NUDCD3: variants seen among roughly 807,000 people sequenced by gnomAD.
The protein encoded by NUDCD3 is NudC domain containing 3, also known as nudC domain-containing protein 3.
NUDCD3 carries 13 observed loss-of-function variants against 39.7 expected under a neutral mutation model. The observed-to-expected ratio is 0.33, with a 90% confidence interval of 0.21 to 0.52. The LOEUF is 0.52. Ranked by LOEUF, NUDCD3 falls within the 20% of genes least tolerant of loss-of-function variation. The pLI is 0.96. For synonymous variants in NUDCD3, 175 were observed against 172.4 expected (o/e 1.02, Z -0.12); for missense variants, 453 against 458.1 (o/e 0.99, Z 0.10).
intron 5 of NUDCD3, among the ~76,000 whole-genome samples, chr7:44,386,439 C>T (rs764545223): frequency 1.3e-5 from 2 of 152,192 alleles, no homozygotes; most frequent in Non-Finnish European, 2.9e-5. Context: ...TGTCCAAATT[C>T]CAAACACCCT....
chr7:44,385,743 C>T lies in NUDCD3; in HGVS notation c.*268G>A. 2.3e-6 allele frequency: 1 copy of T among 441,260 alleles called. No individual in the cohort carries two copies. Among genetic ancestry groups the T allele is most frequent in the East Asian group, 3.8e-5 (1 of 26,318 alleles). 27.3% of individuals were successfully genotyped at this position (441,260 alleles called of 1,614,324 possible). On this transcript the variant is annotated 3_prime_UTR_variant, in exon 6 of 6. Transcript: ENST00000355451. ...GCTGTGGAGACAAAAGCATGTGATCCCAATTTGCTGGGATATCCTCTCCTG... is the reference window on the plus strand; with the variant it reads ...GCTGTGGAGACAAAAGCATGTGATCTCAATTTGCTGGGATATCCTCTCCTG...
intron 2 of NUDCD3, among the ~76,000 whole-genome samples, chr7:44,476,008 G>A (rs1800361522): frequency 6.6e-6 from 1 of 152,146 alleles, no homozygotes; most frequent in South Asian, 2.1e-4. Context: ...ATCATGCTAA[G>A]TAGGTCTCAT....
rs1337655018 is a variant in NUDCD3, at chr7:44,464,229, AG to A, written c.509+20738del. Among the ~76,000 whole-genome samples the A allele has an allele frequency of 4.7e-3, 685 of 145,988 alleles. 4 individuals carry two copies. Among genetic ancestry groups the A allele is most frequent in the African/African-American group, 0.016 (639 of 40,558 alleles). ...ACCCCATCTCAAAAAAAAAAAAAAA[AG>A]AAAAAGAAAACGAAGCAAGAATCGT... On this transcript the variant is annotated intron_variant, in intron 2 of 5. Coordinates refer to ENST00000355451, the MANE Select transcript of NUDCD3 (RefSeq NM_015332.4).
intron 2 of NUDCD3, among the ~76,000 whole-genome samples, chr7:44,429,674 T>C (rs555023729): frequency 1.9e-3 from 289 of 152,342 alleles, no homozygotes; most frequent in Non-Finnish European, 3.5e-3. Context: ...GCACTGAATA[T>C]TGGCAGGACT....
intron 2 of NUDCD3, among the ~76,000 whole-genome samples, chr7:44,482,273 C>T (rs1439086487): frequency 1.3e-5 from 2 of 152,158 alleles, no homozygotes; most frequent in African/African-American, 2.4e-5. Flanking sequence ...CTGACATGGA[C>T]AATCCCTAGA....
chr7:44,394,576 T>C (rs1339509691), intron 4 of NUDCD3, among the ~76,000 whole-genome samples: 1 of 152,254 alleles, frequency 6.6e-6, no homozygotes, highest in Non-Finnish European at 1.5e-5. Flanking sequence ...CAGTAGTTAT[T>C]ACTGTGATCC....
At chr7:44,408,625 A>G (rs548994997) in intron 3 of NUDCD3, among the ~76,000 whole-genome samples, 9 of 152,348 alleles carry the variant, frequency 5.9e-5, no homozygotes, top group African/African-American at 1.9e-4. Flanking sequence ...AAGCAACCAA[A>G]AAGTTGGCAA....
chr7:44,451,303 A>C (rs1157071244), intron 2 of NUDCD3, among the ~76,000 whole-genome samples: 2 of 152,228 alleles, frequency 1.3e-5, no homozygotes, highest in Admixed American at 1.3e-4. Flanking sequence ...GACAGAAAGT[A>C]GAATGGTGGT....
At chr7:44,485,399 G>A in intron 1 of NUDCD3, 115 bp from the exon 2 acceptor site, 4 of 906,342 alleles carry the variant, frequency 4.4e-6, no homozygotes, top group Non-Finnish European at 4.9e-6. Flanking sequence ...AAACTGACAA[G>A]TTTTCCCACT....
intron 2 of NUDCD3, among the ~76,000 whole-genome samples, chr7:44,449,713 A>G (rs972744902): frequency 2.6e-5 from 4 of 152,194 alleles, no homozygotes; most frequent in Admixed American, 6.5e-5. Context: ...ATCATATACT[A>G]AAAATAACTT....
At chr7:44,481,800 ATTGGGATG>A (rs1186159394) in intron 2 of NUDCD3, among the ~76,000 whole-genome samples, 1 of 152,206 alleles carries the variant, frequency 6.6e-6, no homozygotes, top group Non-Finnish European at 1.5e-5. Flanking sequence ...ATCCCAAGAT[ATTGGGATG>A]AGTACTTTGG....
Position 44,442,840 on chromosome 7 carries a change from C to T in NUDCD3, c.510-15137G>A, listed in dbSNP as rs1463079010. Among the ~76,000 whole-genome samples the T allele has an allele frequency of 2.6e-5, 4 of 151,978 alleles. No individual in the cohort carries two copies. The South Asian group carries it at 6.2e-4, about 24-fold the overall frequency. ...CCTCCCGAGTAGCTGGGACTACAGG[C>T]GCCCACCACTGCGCCTGGCTAAATT... On this transcript the variant is annotated intron_variant, in intron 2 of 5. Coordinates refer to ENST00000355451, the MANE Select transcript of NUDCD3 (RefSeq NM_015332.4).
chr7:44,442,757 G>A (rs1247993221), intron 2 of NUDCD3, among the ~76,000 whole-genome samples: 5 of 147,194 alleles, frequency 3.4e-5, no homozygotes, highest in East Asian at 2.0e-4. Context: ...CTGCAGTGGC[G>A]CTATCGCGGC....
Position 44,412,249 on chromosome 7 carries a change from A to G in NUDCD3, c.643-7666T>C, listed in dbSNP as rs117102398. Among the ~76,000 whole-genome samples the G allele has an allele frequency of 3.9e-3, 594 of 152,330 alleles. 1 individual carries two copies. The highest frequency in any genetic ancestry group is 7.2e-3 in the Non-Finnish European group (490 of 68,022). ...CATCCACGTGTACTGAGCATAATTA[A>G]AGTTATATTCGATGCAAAAACTGGT... On this transcript the variant is annotated intron_variant, in intron 3 of 5. Transcript: ENST00000355451.
chr7:44,467,224 G>A (rs1484139965), intron 2 of NUDCD3, among the ~76,000 whole-genome samples: 1 of 152,164 alleles, frequency 6.6e-6, no homozygotes, highest in East Asian at 1.9e-4. Context: ...AGGAAGGAGA[G>A]TCCCTTCCAA....
intron 2 of NUDCD3, among the ~76,000 whole-genome samples, chr7:44,445,024 C>T (rs1471748464): frequency 6.6e-6 from 1 of 152,234 alleles, no homozygotes; most frequent in Non-Finnish European, 1.5e-5. Flanking sequence ...CAACATCTGA[C>T]ATGAATGTCC....
intron 2 of NUDCD3, among the ~76,000 whole-genome samples, chr7:44,456,412 C>A (rs1799902657): frequency 6.6e-6 from 1 of 152,168 alleles, no homozygotes; most frequent in Non-Finnish European, 1.5e-5. Flanking sequence ...AGGTTAAACT[C>A]GAGCAAACTC....
intron 2 of NUDCD3, among the ~76,000 whole-genome samples, chr7:44,430,334 A>G (rs940324890): frequency 1.3e-5 from 2 of 152,166 alleles, no homozygotes; most frequent in African/African-American, 2.4e-5. Flanking sequence ...CCAGACCCCA[A>G]GTTTCCACAG....
intron 1 of NUDCD3, among the ~76,000 whole-genome samples, chr7:44,488,353 A>G (rs929009011): frequency 4.6e-5 from 7 of 151,452 alleles, no homozygotes; most frequent in Non-Finnish European, 7.4e-5. Flanking sequence ...AAAAAAAAAA[A>G]AAAAGAAAGA....
Sources: gnomAD v4.1 joint callset for allele counts (sites outside exome capture counted in the v4.1 genomes callset) on GRCh38, gnomAD v4.1.1 for gene constraint, MANE v1.5 for transcripts, NCBI Gene and HGNC (gene_info 2026-07-23, HGNC 2026-07-21) for gene names.